Variants in CERS6 observed in about 807,000 individuals in gnomAD.
CERS6 encodes ceramide synthase 6.
Under a neutral mutation model 56.8 loss-of-function variants are expected in CERS6, and 26 were observed. The observed-to-expected ratio is 0.46, with a 90% confidence interval of 0.34 to 0.63. The LOEUF is 0.63. Among genes scored for constraint, CERS6 ranks in the 30% least tolerant of loss-of-function variants. The probability of loss-of-function intolerance (pLI) is 0.01; values close to 1 mark genes in which losing one functional copy is unlikely to be tolerated. For missense variants in CERS6, 415 were observed against 467.5 expected (o/e 0.89, Z 1.04); for synonymous variants, 164 against 173.3 (o/e 0.95, Z 0.42).
At chr2:168,748,694 C>T (rs1200779496) in intron 8 of CERS6, among the ~76,000 whole-genome samples, 1 of 152,174 alleles carries the variant, frequency 6.6e-6, no homozygotes, top group African/African-American at 2.4e-5. Flanking sequence ...TCCAGCCTGG[C>T]AGTTACAGGT....
At chr2:168,662,249 A>G (rs1278601559) in intron 4 of CERS6, among the ~76,000 whole-genome samples, 5 of 152,104 alleles carry the variant, frequency 3.3e-5, no homozygotes, top group Non-Finnish European at 7.4e-5. Flanking sequence ...TGGAGCCAAT[A>G]CATTTCACAT....
chr2:168,587,906 G>A (rs1559010050), intron 3 of CERS6, among the ~76,000 whole-genome samples: 1 of 151,964 alleles, frequency 6.6e-6, no homozygotes, highest in Non-Finnish European at 1.5e-5. Context: ...CTCTGGGCAA[G>A]TACTGCTCTA....
At chr2:168,591,172 G>T (rs976448781) in intron 3 of CERS6, among the ~76,000 whole-genome samples, 1 of 152,154 alleles carries the variant, frequency 6.6e-6, no homozygotes, top group Admixed American at 6.5e-5. Context: ...GACTATCCTT[G>T]TAATAGAGTC....
chr2:168,498,205 G>A (rs1389262950), intron 1 of CERS6, among the ~76,000 whole-genome samples: 2 of 152,110 alleles, frequency 1.3e-5, no homozygotes, highest in Non-Finnish European at 2.9e-5. Flanking sequence ...TAACCTCTTT[G>A]TCGAATTTAG....
intron 1 of CERS6, among the ~76,000 whole-genome samples, chr2:168,499,396 T>A (rs1694538238): frequency 6.6e-6 from 1 of 152,198 alleles, no homozygotes; most frequent in South Asian, 2.1e-4. Flanking sequence ...ACAAGCATTT[T>A]GATCATCAGA....
chr2:168,644,496 A>C (rs999749910), intron 4 of CERS6, among the ~76,000 whole-genome samples: 1 of 152,112 alleles, frequency 6.6e-6, no homozygotes, highest in African/African-American at 2.4e-5. Flanking sequence ...GGAGAAAGGA[A>C]AGCTGGTCAC....
intron 3 of CERS6, among the ~76,000 whole-genome samples, chr2:168,573,251 C>T (rs554433559): frequency 6.6e-6 from 1 of 152,264 alleles, no homozygotes; most frequent in African/African-American, 2.4e-5. Flanking sequence ...AGGAATCAGG[C>T]ACAATAATTT....
Position 168,726,523 on chromosome 2 carries a change from T to C in CERS6, c.845+8545T>C, listed in dbSNP as rs369245605. The stretch of plus-strand genomic sequence containing the variant: ...GAAAGGAGAAAATTCACAAAGATGC[T>C]GAAAGAGAAGTGGCATGGTACAGTG... On this transcript the variant is annotated intron_variant, in intron 8 of 9. Coordinates refer to ENST00000305747, the MANE Select transcript of CERS6 (RefSeq NM_203463.3). Among the ~76,000 whole-genome samples, 14 of 152,306 alleles carry C rather than the reference T, an allele frequency of 9.2e-5. No individual in the cohort carries two copies. The South Asian group carries it at 1.7e-3, about 18-fold the overall frequency.
At chr2:168,631,943 C>T (rs1160803786) in intron 4 of CERS6, among the ~76,000 whole-genome samples, 1 of 146,174 alleles carries the variant, frequency 6.8e-6, no homozygotes, top group Admixed American at 7.2e-5. Flanking sequence ...TAGTTACTAA[C>T]AGGGCAGCAC....
At chr2:168,480,305 T>A (rs1694156401) in intron 1 of CERS6, among the ~76,000 whole-genome samples, 1 of 152,208 alleles carries the variant, frequency 6.6e-6, no homozygotes, top group South Asian at 2.1e-4. Context: ...TCCACACAAA[T>A]GGAGAGGAGA....
chr2:168,694,493 CA>C (rs553696154), intron 5 of CERS6, among the ~76,000 whole-genome samples: 4 of 151,616 alleles, frequency 2.6e-5, no homozygotes, highest in Admixed American at 1.3e-4. Context: ...TTTCTAATAA[CA>C]AAAAAAAGAG....
Position 168,601,714 on chromosome 2 carries a change from T to C in CERS6, c.408-29271T>C, listed in dbSNP as rs948928411. On this transcript the variant is annotated intron_variant, in intron 3 of 9. Transcript: ENST00000305747. Reference sequence around the variant, plus strand: ...ACAGGCGTGTGCCACCATGCCTGGCTAATTTTTGTATTTTTAGTAGAGATA... The same window carrying C: ...ACAGGCGTGTGCCACCATGCCTGGCCAATTTTTGTATTTTTAGTAGAGATA... Among the ~76,000 whole-genome samples the C allele has an allele frequency of 6.6e-5, 10 of 152,136 alleles. 1 individual carries two copies. The highest frequency in any genetic ancestry group is 2.4e-4 in the African/African-American group (10 of 41,424).
intron 1 of CERS6, among the ~76,000 whole-genome samples, chr2:168,473,905 G>A (rs1694022163): frequency 6.6e-6 from 1 of 152,046 alleles, no homozygotes; most frequent in East Asian, 1.9e-4. Flanking sequence ...TTTAAAACAT[G>A]AATGATGCCA....
chr2:168,510,654 T>A (rs1288452107), intron 1 of CERS6, among the ~76,000 whole-genome samples: 1 of 152,230 alleles, frequency 6.6e-6, no homozygotes, highest in Non-Finnish European at 1.5e-5. Context: ...AACCAAGAGC[T>A]ATGATTACAT....
chr2:168,534,884 T>G (rs1695232314), intron 1 of CERS6, among the ~76,000 whole-genome samples: 1 of 152,170 alleles, frequency 6.6e-6, no homozygotes, highest in Admixed American at 6.5e-5. Context: ...CACTAGGAGA[T>G]TAGGTCCAAG....
intron 4 of CERS6, among the ~76,000 whole-genome samples, chr2:168,668,774 A>G (rs949615719): frequency 1.3e-5 from 2 of 152,156 alleles, no homozygotes; most frequent in African/African-American, 2.4e-5. Context: ...TCTTTTATCA[A>G]TTTAGAAGTA....
At chr2:168,733,925 A>G (rs1683632008) in intron 8 of CERS6, among the ~76,000 whole-genome samples, 2 of 152,194 alleles carry the variant, frequency 1.3e-5, no homozygotes, top group South Asian at 4.1e-4. Context: ...TTGCTTCAAA[A>G]TGGAGGGGTC....
intron 8 of CERS6, among the ~76,000 whole-genome samples, chr2:168,749,463 A>C (rs1684197965): frequency 6.6e-6 from 1 of 152,182 alleles, no homozygotes; most frequent in African/African-American, 2.4e-5. Context: ...CCAGGGAGCC[A>C]CATGCTCACT....
At position 168,561,178 on chromosome 2, in the gene CERS6, AC is replaced by A. The variant is rs1273294576; in HGVS notation, c.277-12del. ...ATGGATTGAAAATTATTTTTCTGGT[AC>A]CTTGTTTCATAGCATCCTGATGAAA... On this transcript the variant is annotated splice_polypyrimidine_tract_variant and intron_variant, in intron 2 of 9. Transcript: ENST00000305747. 1 of 1,613,252 alleles carries A rather than the reference AC, an allele frequency of 6.2e-7. No individual in the cohort carries two copies. Among genetic ancestry groups the A allele is most frequent in the Non-Finnish European group, 8.5e-7 (1 of 1,179,548 alleles).
Sources: gnomAD v4.1 joint callset for allele counts (sites outside exome capture counted in the v4.1 genomes callset) on GRCh38, gnomAD v4.1.1 for gene constraint, MANE v1.5 for transcripts, NCBI Gene and HGNC (gene_info 2026-07-23, HGNC 2026-07-21) for gene names.